Variants in TMEFF1 observed in about 807,000 individuals in gnomAD.
The protein encoded by TMEFF1 is transmembrane protein with EGF like and two follistatin like domains 1.
In TMEFF1, 20 loss-of-function variants were observed where a neutral mutation model predicts 47.5. The ratio of observed to expected loss-of-function variants is 0.42; its 90% CI spans 0.30 to 0.61. TMEFF1 has a LOEUF of 0.61. TMEFF1 is among the 20% of genes least tolerant of loss of function. TMEFF1 has a pLI of 0.19. For synonymous variants in TMEFF1, 162 were observed against 166.3 expected, an observed-to-expected ratio of 0.97 and a Z score of 0.20; for missense variants, 411 against 471.1, an observed-to-expected ratio of 0.87 and a Z score of 1.18.
At chr9:100,541,636 T>A (rs1208082912) in intron 5 of TMEFF1, among the ~76,000 whole-genome samples, 1 of 151,948 alleles carries the variant, frequency 6.6e-6, no homozygotes, top group Admixed American at 6.6e-5. Flanking sequence ...CCTCCCAGAG[T>A]GCTGAGATTG....
chr9:100,523,064 A>G (rs755192448), intron 5 of TMEFF1, among the ~76,000 whole-genome samples: 1 of 152,162 alleles, frequency 6.6e-6, no homozygotes, highest in Non-Finnish European at 1.5e-5. Context: ...AAGTCCTTTG[A>G]CAGTTGCCAG....
chr9:100,513,393 C>CT (rs376847862), intron 4 of TMEFF1, 60 bp downstream of exon 4: 2,728 of 1,233,584 alleles, frequency 2.2e-3, no homozygotes, highest in Non-Finnish European at 2.6e-3. Flanking sequence ...CTTTCTTTTT[C>CT]TTTTTTTTTT....
In TMEFF1 at chr9:100,566,692, CCTTTTTT is replaced by C. The variant is rs376631095; in HGVS notation, c.899+5194_899+5200del. On this transcript the variant is annotated intron_variant, in intron 8 of 9. Coordinates refer to ENST00000374879, the MANE Select transcript of TMEFF1 (RefSeq NM_003692.5). ...AAACAGCAGACAGTGAGTGCCCCCG[CCTTTTTT>C]CTTTTTTCTTTTTTCTTTTTTTTGA... is the stretch of plus-strand genomic sequence containing the variant. 7.4e-3 allele frequency among the ~76,000 whole-genome samples: 1,120 copies of C among 152,034 alleles called. 6 individuals are homozygous for C. The highest frequency in any genetic ancestry group is 0.024 in the African/African-American group (983 of 41,456).
intron 4 of TMEFF1, 132 bp downstream of exon 4, chr9:100,513,465 C>T: frequency 8.7e-7 from 1 of 1,148,304 alleles, no homozygotes; most frequent in Admixed American, 3.1e-5. Flanking sequence ...TTGAAGTGTA[C>T]AAATTCAGTG....
At chr9:100,533,346 T>C (rs1382340311) in intron 5 of TMEFF1, among the ~76,000 whole-genome samples, 1 of 152,234 alleles carries the variant, frequency 6.6e-6, no homozygotes. Context: ...TATTGCCTTT[T>C]TTTTTAGAAC....
Position 100,570,993 on chromosome 9 carries a change from A to G in TMEFF1, c.900-1525A>G, listed in dbSNP as rs73657326. Among the ~76,000 whole-genome samples, 996 of 152,280 alleles carry G rather than the reference A, an allele frequency of 6.5e-3. 7 individuals carry two copies. Among genetic ancestry groups the G allele is most frequent in the African/African-American group, 0.023 (958 of 41,568 alleles). ...CTTAAATATTTCTCCCTGTCAAATT[A>G]TCATCAGCTGATGCAGTTGTCTTTT... is the stretch of plus-strand genomic sequence containing the variant. On this transcript the variant is annotated intron_variant, in intron 8 of 9. Coordinates refer to ENST00000374879, the MANE Select transcript of TMEFF1 (RefSeq NM_003692.5).
Position 100,473,499 on chromosome 9 carries a change from C to G in TMEFF1, c.-46C>G. 7.5e-7 allele frequency: 1 copy of G among 1,328,756 alleles called. No individual in the cohort carries two copies. The highest frequency in any genetic ancestry group is 9.6e-7 in the Non-Finnish European group (1 of 1,043,214). The allele number at this position is 1,328,756 out of a possible 1,614,324, so 82.3% of individuals were successfully genotyped here. A position where few individuals can be genotyped will look rare whatever the true frequency, so the allele number is the denominator to read the frequency against. On this transcript the variant is annotated 5_prime_UTR_variant, in exon 1 of 10. Coordinates refer to ENST00000374879, the MANE Select transcript of TMEFF1 (RefSeq NM_003692.5). This position sits in a 1 kb window ranked among gnomAD's most constrained non-coding sequence, Gnocchi z 5.4. ...GCTCTGGGCGCGCGGCTGGATGCCC[C>G]CGGCCTGCGGCTCCCTGCGCTTCCC...
intron 8 of TMEFF1, among the ~76,000 whole-genome samples, chr9:100,567,721 C>G (rs527635221): frequency 1.1e-4 from 16 of 152,174 alleles, no homozygotes; most frequent in African/African-American, 3.6e-4. Context: ...TAATCAGTAA[C>G]AGAAGAAGAA....
chr9:100,509,182 C>A, intron 3 of TMEFF1, 48 bp downstream of exon 3: 2 of 1,426,220 alleles, frequency 1.4e-6, no homozygotes, highest in South Asian at 3.4e-5. Context: ...ATGGTGGAAT[C>A]ATTTCTAAAA....
intron 9 of TMEFF1, among the ~76,000 whole-genome samples, chr9:100,575,348 T>C (rs1839330854): frequency 6.6e-6 from 1 of 152,174 alleles, no homozygotes; most frequent in South Asian, 2.1e-4. Flanking sequence ...GTCAGGAACC[T>C]TGAACATCAC....
intron 1 of TMEFF1, among the ~76,000 whole-genome samples, chr9:100,486,788 A>G (rs746653874): frequency 1.3e-5 from 2 of 152,056 alleles, no homozygotes; most frequent in South Asian, 4.2e-4. Context: ...GTGTGCCACC[A>G]TATCCAGCTA....
chr9:100,552,679 T>C (rs1838846180), intron 7 of TMEFF1, among the ~76,000 whole-genome samples: 1 of 152,122 alleles, frequency 6.6e-6, no homozygotes, highest in Non-Finnish European at 1.5e-5. Flanking sequence ...GAAATCAGCT[T>C]GGACAACATG....
At chr9:100,532,776 G>C (rs1183292532) in intron 5 of TMEFF1, among the ~76,000 whole-genome samples, 1 of 151,980 alleles carries the variant, frequency 6.6e-6, no homozygotes, top group Non-Finnish European at 1.5e-5. Flanking sequence ...CTGCTATAAA[G>C]ACACATGCAC....
intron 2 of TMEFF1, among the ~76,000 whole-genome samples, chr9:100,504,301 G>A (rs1837817936): frequency 6.6e-6 from 1 of 152,150 alleles, no homozygotes; most frequent in South Asian, 2.1e-4. Context: ...CATGGAAACT[G>A]AGAATGACCA....
intron 5 of TMEFF1, among the ~76,000 whole-genome samples, chr9:100,524,607 C>A (rs1053936703): frequency 6.6e-6 from 1 of 152,230 alleles, no homozygotes; most frequent in African/African-American, 2.4e-5. Context: ...TCAGAATGGA[C>A]TGCTCTGCTC....
At chr9:100,559,674 T>C (rs1838979560) in intron 7 of TMEFF1, among the ~76,000 whole-genome samples, 1 of 152,178 alleles carries the variant, frequency 6.6e-6, no homozygotes, top group African/African-American at 2.4e-5. Context: ...TAAAATTACA[T>C]ATGTGTCTTG....
intron 5 of TMEFF1, among the ~76,000 whole-genome samples, chr9:100,537,505 C>G (rs1838539513): frequency 6.6e-6 from 1 of 152,280 alleles, no homozygotes; most frequent in Non-Finnish European, 1.5e-5. Flanking sequence ...AGGTAATAAC[C>G]ACTCACCCAT....
At chr9:100,574,584 C>T (rs961337881) in intron 9 of TMEFF1, among the ~76,000 whole-genome samples, 11 of 151,894 alleles carry the variant, frequency 7.2e-5, no homozygotes, top group South Asian at 2.1e-4. Context: ...GCCATGTTGC[C>T]GAGGCTGGTC....
rs1302893563 is a variant in TMEFF1 at position 100,562,456 on chromosome 9, GAAACA to G, written c.899+947_899+951del. ...GCCTTTCTCCTGCTTAAAAAAACAA[GAAACA>G]AAACAAAACACTGTAAACTGTTAAT... is the stretch of plus-strand genomic sequence containing the variant. On this transcript the variant is annotated intron_variant, in intron 8 of 9. Coordinates refer to ENST00000374879, the MANE Select transcript of TMEFF1 (RefSeq NM_003692.5). Among the ~76,000 whole-genome samples the G allele has an allele frequency of 2.0e-5, 3 of 151,864 alleles. No homozygotes were observed. The East Asian group carries it at 5.8e-4, about 29-fold the overall frequency.
Sources: allele counts gnomAD v4.1 joint callset (sites outside exome capture counted in the v4.1 genomes callset), GRCh38; gene constraint gnomAD v4.1.1; non-coding constraint Gnocchi (gnomAD v3.1); transcripts MANE v1.5; gene names NCBI Gene and HGNC (gene_info 2026-07-23, HGNC 2026-07-21).